Variants in CCDC7 observed in about 807,000 individuals in gnomAD.
CCDC7 encodes the protein coiled-coil domain-containing protein 7.
In CCDC7, 183 loss-of-function variants were observed where a neutral mutation model predicts 196.9. That is an observed-to-expected ratio of 0.93 (90% confidence interval 0.82 to 1.05). CCDC7 has a LOEUF of 1.05. Ranked by LOEUF, CCDC7 falls within the 50% of genes least tolerant of loss-of-function variation. CCDC7 has a pLI of 0.00. For missense variants in CCDC7, 1,540 were observed against 1,482.2 expected (o/e 1.04, Z -0.64); for synonymous variants, 525 against 484.6 (o/e 1.08, Z -1.10).
chr10:32,655,159 AG>A (rs915200917), intron 20 of CCDC7, among the ~76,000 whole-genome samples: 12 of 152,088 alleles, frequency 7.9e-5, no homozygotes, highest in Non-Finnish European at 1.5e-4. Context: ...TGCCCTCTCT[AG>A]GGGTTGTTAG....
intron 20 of CCDC7, among the ~76,000 whole-genome samples, chr10:32,647,073 CTT>C (rs1337103944): frequency 6.6e-6 from 1 of 152,110 alleles, no homozygotes; most frequent in Admixed American, 6.5e-5. Context: ...GGTAGAATGA[CTT>C]ATATTCTTTT....
intron 28 of CCDC7, among the ~76,000 whole-genome samples, chr10:32,737,237 T>C (rs1275290229): frequency 6.6e-6 from 1 of 152,198 alleles, no homozygotes; most frequent in Non-Finnish European, 1.5e-5. Flanking sequence ...ATTCTTTTTA[T>C]ACATTGTTGA....
chr10:32,730,262 C>G (rs769314976), intron 28 of CCDC7, among the ~76,000 whole-genome samples: 2 of 152,072 alleles, frequency 1.3e-5, no homozygotes, highest in Non-Finnish European at 2.9e-5. Flanking sequence ...GGTATATGCT[C>G]ATATTCAGTC....
chr10:32,698,245 A>G (rs2141418475), intron 24 of CCDC7, among the ~76,000 whole-genome samples: 1 of 152,356 alleles, frequency 6.6e-6, no homozygotes, highest in East Asian at 1.9e-4. Context: ...AGATGGGGAG[A>G]AACCAGAGCA....
chr10:32,711,494 G>A, intron 24 of CCDC7, 126 bp from the exon 26 acceptor site: 1 of 573,756 alleles, frequency 1.7e-6, no homozygotes, highest in Non-Finnish European at 3.1e-6. Flanking sequence ...CTAGCATTAA[G>A]GTAGTTTACT....
chr10:32,642,747 C>T (rs11009014), intron 20 of CCDC7, among the ~76,000 whole-genome samples: 12,825 of 152,254 alleles, frequency 0.084, 830 homozygotes, highest in East Asian at 0.33. Context: ...TTCTGCGTCA[C>T]TCACACTGGG....
chr10:32,709,159 A>G (rs935564916), intron 24 of CCDC7, among the ~76,000 whole-genome samples: 8 of 152,078 alleles, frequency 5.3e-5, no homozygotes, highest in African/African-American at 1.7e-4. Flanking sequence ...GGATGAGTTC[A>G]TGTCCTTTGT....
At chr10:32,650,823 G>T (rs2068623594) in intron 20 of CCDC7, among the ~76,000 whole-genome samples, 1 of 152,162 alleles carries the variant, frequency 6.6e-6, no homozygotes, top group Non-Finnish European at 1.5e-5. Context: ...GGGCTCCCAG[G>T]ATGCCAGAAT....
intron 9 of CCDC7, among the ~76,000 whole-genome samples, chr10:32,509,024 T>C (rs2045668244): frequency 6.8e-6 from 1 of 146,540 alleles, no homozygotes; most frequent in Non-Finnish European, 1.5e-5. Flanking sequence ...AACCTCTGCC[T>C]CCTGGGTTTG....
At chr10:32,549,307 G>T (rs189964232) in intron 13 of CCDC7, among the ~76,000 whole-genome samples, 1 of 151,948 alleles carries the variant, frequency 6.6e-6, no homozygotes, top group Non-Finnish European at 1.5e-5. Context: ...TAGATATTAG[G>T]TGTTAGTCCT....
intron 21 of CCDC7, among the ~76,000 whole-genome samples, chr10:32,681,188 A>T (rs2075805026): frequency 2.0e-5 from 3 of 152,310 alleles, no homozygotes; most frequent in Admixed American, 1.3e-4. Context: ...CTGTGCTGGA[A>T]GTAGCTGCTA....
chr10:32,551,112 C>T (rs937934457), intron 13 of CCDC7, among the ~76,000 whole-genome samples: 2 of 152,054 alleles, frequency 1.3e-5, no homozygotes, highest in African/African-American at 4.8e-5. Context: ...TCTAATTCTT[C>T]CTGATTTAAG....
chr10:32,848,020 C>A (rs2136214233), intron 38 of CCDC7, 104 bp downstream of exon 39: 2 of 584,068 alleles, frequency 3.4e-6, no homozygotes, highest in East Asian at 3.2e-5. Context: ...ATTTCATGGG[C>A]AAATGTCTTC....
chr10:32,603,320 A>G (rs1048611576), intron 18 of CCDC7, among the ~76,000 whole-genome samples: 2 of 152,130 alleles, frequency 1.3e-5, no homozygotes, highest in African/African-American at 2.4e-5. Context: ...CATTGTGGAT[A>G]TGTACCATGT....
At chr10:32,689,584 C>T (rs1341840599) in intron 23 of CCDC7, among the ~76,000 whole-genome samples, 3 of 152,062 alleles carry the variant, frequency 2.0e-5, no homozygotes, top group African/African-American at 7.2e-5. Flanking sequence ...CCTAGGACAC[C>T]TGTTTAAGGG....
intron 41 of CCDC7, among the ~76,000 whole-genome samples, chr10:32,867,359 T>A (rs1050938632): frequency 6.6e-6 from 1 of 151,594 alleles, no homozygotes; most frequent in Non-Finnish European, 1.5e-5. Context: ...AATAATAGTT[T>A]ATGTATTAAA....
chr10:32,674,188 G>A lies in CCDC7; in HGVS notation c.2122+10027G>A, dbSNP rs557527772. On this transcript the variant is annotated intron_variant, in intron 21 of 41. Transcript: ENST00000639629. ...CTTTTTCCTTGAAGTGTAAAGTTAG[G>A]TTGTTCATTTGAAATATTTTTTATA... Among the ~76,000 whole-genome samples, 6 of 151,298 alleles carry A rather than the reference G, an allele frequency of 4.0e-5. No individual in the cohort carries two copies. The East Asian group carries it at 9.7e-4, about 24-fold the overall frequency.
At chr10:32,751,344 C>T (rs567598636) in intron 28 of CCDC7, among the ~76,000 whole-genome samples, 18 of 151,976 alleles carry the variant, frequency 1.2e-4, no homozygotes, top group South Asian at 4.2e-4. Context: ...AAGCCAGTAC[C>T]GAAACTTTTT....
chr10:32,447,594 C>G (rs374178663), upstream of CCDC7, among the ~76,000 whole-genome samples: 1 of 152,006 alleles, frequency 6.6e-6, no homozygotes, highest in Non-Finnish European at 1.5e-5. Flanking sequence ...GTGTCACAAT[C>G]GGCATGAGAA....
Sources: allele counts gnomAD v4.1 joint callset (sites outside exome capture counted in the v4.1 genomes callset), GRCh38; gene constraint gnomAD v4.1.1; transcripts MANE v1.5; gene names NCBI Gene and HGNC (gene_info 2026-07-23, HGNC 2026-07-21).